The following SYBU variants were observed in gnomAD, a reference collection of about 807,000 sequenced individuals.
The protein encoded by SYBU is GOLSYN A protein.
In SYBU, 21 loss-of-function variants were observed where a neutral mutation model predicts 35.9. That is an observed-to-expected ratio of 0.58 (90% confidence interval 0.41 to 0.84). The LOEUF (loss-of-function observed/expected upper bound fraction) is 0.84, where lower values mean the gene tolerates loss of function less well. Ranked by LOEUF, SYBU falls within the 40% of genes least tolerant of loss-of-function variation. The pLI is 0.00. For synonymous variants in SYBU, 319 were observed against 324.3 expected (o/e 0.98, Z 0.18); for missense variants, 768 against 848.2 (o/e 0.91, Z 1.17).
chr8:109,594,264 G>A (rs1355366142), intron 3 of SYBU, among the ~76,000 whole-genome samples: 1 of 152,156 alleles, frequency 6.6e-6, no homozygotes, highest in Non-Finnish European at 1.5e-5. Flanking sequence ...CACCAGGAAA[G>A]ACAGAAGGTC....
At chr8:109,667,832 C>T (rs1816813001) in intron 1 of SYBU, among the ~76,000 whole-genome samples, 1 of 152,092 alleles carries the variant, frequency 6.6e-6, no homozygotes, top group African/African-American at 2.4e-5. Flanking sequence ...TTTTAAAAAC[C>T]TTAGCCCAGC....
intron 3 of SYBU, among the ~76,000 whole-genome samples, chr8:109,613,230 T>C (rs1250737448): frequency 1.3e-5 from 2 of 152,144 alleles, no homozygotes; most frequent in Admixed American, 6.5e-5. Flanking sequence ...AAATTGTGTG[T>C]GAGAGTTTTT....
chr8:109,576,043 A>G (rs369667162), intron 6 of SYBU, 30 bp from the exon 7 acceptor site: 8 of 88,228 alleles, frequency 9.1e-5, no homozygotes, highest in South Asian at 4.3e-4. Context: ...ATGGTTAATT[A>G]AAAAAAAAAA....
chr8:109,600,631 C>T (rs1345308622), intron 3 of SYBU, among the ~76,000 whole-genome samples: 1 of 152,152 alleles, frequency 6.6e-6, no homozygotes, highest in Non-Finnish European at 1.5e-5. Context: ...TGGGCAAAAA[C>T]TCTGCAGGTC....
At chr8:109,658,826 C>T (rs191222875) in intron 1 of SYBU, among the ~76,000 whole-genome samples, 8 of 152,122 alleles carry the variant, frequency 5.3e-5, no homozygotes, top group Admixed American at 4.6e-4. Flanking sequence ...TGGTGGCGCA[C>T]GCCTGTAATC....
Position 109,584,585 on chromosome 8 carries a change from T to TTA in SYBU, c.530+1474_530+1475insTA, listed in dbSNP as rs1416284788. Among the ~76,000 whole-genome samples the TTA allele has an allele frequency of 6.6e-6, 1 of 152,180 alleles. No homozygotes were observed. Among genetic ancestry groups the TTA allele is most frequent in the Non-Finnish European group, 1.5e-5 (1 of 68,038 alleles). Reference sequence around the variant, plus strand: ...TCCTATAATCCCAGAGGCACTTTATTGCCAAAATGGTGGTGGTGGGTGGGG... The same window carrying TTA: ...TCCTATAATCCCAGAGGCACTTTATTTAGCCAAAATGGTGGTGGTGGGTGGGG... On this transcript the variant is annotated intron_variant, in intron 4 of 6. Transcript: ENST00000276646. The surrounding 1 kb of genome is among the most constrained non-coding windows in gnomAD (Gnocchi z 4.0).
intron 5 of SYBU, among the ~76,000 whole-genome samples, chr8:109,578,911 G>A (rs758409811): frequency 1.3e-5 from 2 of 152,218 alleles, no homozygotes; most frequent in Admixed American, 6.5e-5. Flanking sequence ...CTGAAGGGAA[G>A]AAGTTTCTTC....
intron 3 of SYBU, among the ~76,000 whole-genome samples, chr8:109,604,445 G>A (rs1046104167): frequency 4.6e-5 from 7 of 152,080 alleles, no homozygotes; most frequent in African/African-American, 1.7e-4. Context: ...ACAACATACA[G>A]GGATCCCCTA....
rs1403879462 is a variant in SYBU, at chr8:109,642,785, T to G, written c.172A>C (p.Asn58His). The G allele has an allele frequency of 6.2e-7, 1 of 1,613,670 alleles. No homozygotes were observed. Among genetic ancestry groups the G allele is most frequent in the Non-Finnish European group, 8.5e-7 (1 of 1,179,838 alleles). ...GCTGAGCGCCCAGAGCTGCTGGGGT[T>G]GAACTCTCTGCTCTCTTCCTCAGAG... The part of the protein sequence containing the change: ...PFSEEESREF[N>H]PSSSGRSART... The change falls in exon 2 of 7, where the codon AAC (asparagine) becomes CAC (histidine). Residue 58 changes from asparagine (N) to histidine (H), a missense_variant. Transcript: ENST00000276646.
At chr8:109,663,262 TAG>T (rs1563771193) in intron 1 of SYBU, among the ~76,000 whole-genome samples, 46 of 79,430 alleles carry the variant, frequency 5.8e-4, no homozygotes, top group African/African-American at 3.2e-3. Flanking sequence ...TACATACAGA[TAG>T]ATAGATAGAT....
chr8:109,578,224 C>T (rs1822586530), intron 5 of SYBU, among the ~76,000 whole-genome samples: 1 of 152,126 alleles, frequency 6.6e-6, no homozygotes, highest in Admixed American at 6.5e-5. Context: ...GATTAATGCT[C>T]TTATAAAAGG....
intron 2 of SYBU, among the ~76,000 whole-genome samples, chr8:109,633,994 A>G (rs1227124144): frequency 6.6e-6 from 1 of 152,128 alleles, no homozygotes; most frequent in East Asian, 1.9e-4. Flanking sequence ...TCGGCTTCCC[A>G]AAGTGCTGGG....
In SYBU at chr8:109,605,721, G is replaced by C. The variant is rs375490638; in HGVS notation, c.427+13121C>G. Among the ~76,000 whole-genome samples, 6 of 152,150 alleles carry C rather than the reference G, an allele frequency of 3.9e-5. No individual in the cohort carries two copies. The East Asian group carries it at 9.6e-4, about 24-fold the overall frequency. On this transcript the variant is annotated intron_variant, in intron 3 of 6. Transcript: ENST00000276646. ...TTGGCTCAGATGTCACACAGAATTA[G>C]TGCAAAAGGAAAAATCCCAGCATGG...
intron 1 of SYBU, among the ~76,000 whole-genome samples, chr8:109,656,433 G>A (rs927454907): frequency 6.6e-6 from 1 of 152,130 alleles, no homozygotes; most frequent in Admixed American, 6.5e-5. Context: ...TGAGTATGGG[G>A]AATAAATATA....
chr8:109,617,586 T>G (rs1288990171), intron 3 of SYBU, among the ~76,000 whole-genome samples: 1 of 152,224 alleles, frequency 6.6e-6, no homozygotes, highest in African/African-American at 2.4e-5. Context: ...TTCATGACAT[T>G]CTTTAACTCA....
At chr8:109,655,867 C>T (rs1397146352) in intron 1 of SYBU, among the ~76,000 whole-genome samples, 3 of 152,172 alleles carry the variant, frequency 2.0e-5, no homozygotes, top group African/African-American at 7.2e-5. Flanking sequence ...GTAATCCCAG[C>T]ACTTTGGGAG....
intron 5 of SYBU, 110 bp from the exon 6 acceptor site, chr8:109,578,127 T>C (rs1822571223): frequency 1.6e-6 from 2 of 1,220,506 alleles, no homozygotes; most frequent in South Asian, 1.6e-5. Flanking sequence ...CCAGAATTCA[T>C]ATGTTGAACT....
chr8:109,574,881 G>T lies in SYBU; in HGVS notation c.*25C>A. 2.0e-6 allele frequency: 3 copies of T among 1,509,804 alleles called. No individual in the cohort carries two copies. The highest frequency in any genetic ancestry group is 2.7e-6 in the Non-Finnish European group (3 of 1,129,060). The allele number at this position is 1,509,804 out of a possible 1,614,324, so 93.5% of individuals were successfully genotyped here. A position where few individuals can be genotyped will look rare whatever the true frequency, so the allele number is the denominator to read the frequency against. ...TGGCACAACCCACATGGGACACATT[G>T]GCACACGGTAACAACAACTTCTATT... On this transcript the variant is annotated 3_prime_UTR_variant, in exon 7 of 7. Transcript: ENST00000276646.
intron 3 of SYBU, among the ~76,000 whole-genome samples, chr8:109,606,778 A>C (rs1826108509): frequency 6.6e-6 from 1 of 152,182 alleles, no homozygotes; most frequent in South Asian, 2.1e-4. Flanking sequence ...GTATCTTTTC[A>C]CTGTTCTGGG....
Sources: allele counts gnomAD v4.1 joint callset (sites outside exome capture counted in the v4.1 genomes callset), GRCh38; gene constraint gnomAD v4.1.1; non-coding constraint Gnocchi (gnomAD v3.1); transcripts MANE v1.5; gene names NCBI Gene and HGNC (gene_info 2026-07-23, HGNC 2026-07-21).